Variants in ERC2 observed in about 807,000 individuals in gnomAD.
ERC2 encodes the protein ELKS/RAB6-interacting/CAST family member 2.
Under a neutral mutation model 114.8 loss-of-function variants are expected in ERC2, and 42 were observed. That is an observed-to-expected ratio of 0.37 (90% CI 0.29 to 0.47). ERC2 has a LOEUF of 0.47. ERC2 is among the 20% of genes least tolerant of loss of function. The pLI, the probability that ERC2 is intolerant of heterozygous loss-of-function variation, is 0.99. For missense variants in ERC2, 939 were observed against 1,150.7 expected (o/e 0.82, Z 2.66); for synonymous variants, 454 against 425.5 (o/e 1.07, Z -0.82).
At chr3:56,207,111 A>G (rs1184906445) in intron 3 of ERC2, among the ~76,000 whole-genome samples, 1 of 152,134 alleles carries the variant, frequency 6.6e-6, no homozygotes, top group African/African-American at 2.4e-5. Flanking sequence ...GTTATTTTAG[A>G]GACTCTAATA....
At chr3:55,539,186 A>G (rs1383268750) in intron 17 of ERC2, among the ~76,000 whole-genome samples, 2 of 152,148 alleles carry the variant, frequency 1.3e-5, no homozygotes, top group African/African-American at 4.8e-5. Context: ...ATGTTAGAGT[A>G]TATTAACGAA....
intron 2 of ERC2, among the ~76,000 whole-genome samples, chr3:56,411,611 A>G (rs1298478091): frequency 6.6e-6 from 1 of 152,150 alleles, no homozygotes; most frequent in African/African-American, 2.4e-5. Context: ...AATAGCAGCT[A>G]ACACTTACAT....
At chr3:55,578,111 T>C (rs1320327999) in intron 17 of ERC2, among the ~76,000 whole-genome samples, 1 of 152,204 alleles carries the variant, frequency 6.6e-6, no homozygotes, top group East Asian at 1.9e-4. Context: ...GCCATCCTCA[T>C]CTGAGTTCCC....
chr3:56,040,655 T>TGGGGGTTGGG (rs2075121934), intron 7 of ERC2, among the ~76,000 whole-genome samples: 1 of 142,452 alleles, frequency 7.0e-6, no homozygotes, highest in Non-Finnish European at 1.5e-5. Flanking sequence ...GATGTATATG[T>TGGGGGTTGGG]ATATATACAT....
intron 2 of ERC2, among the ~76,000 whole-genome samples, chr3:56,409,907 G>C (rs1318505117): frequency 5.9e-5 from 9 of 152,220 alleles, no homozygotes; most frequent in Non-Finnish European, 1.2e-4. Context: ...TCACTAGAAA[G>C]TGCTGAGGCA....
chr3:56,465,120 C>T (rs989312133), intron 1 of ERC2, among the ~76,000 whole-genome samples: 1 of 152,140 alleles, frequency 6.6e-6, no homozygotes, highest in African/African-American at 2.4e-5. Flanking sequence ...CAAGAGGGGC[C>T]GGTCATGGTG....
intron 12 of ERC2, among the ~76,000 whole-genome samples, chr3:55,981,520 T>C (rs2070137832): frequency 6.6e-6 from 1 of 152,198 alleles, no homozygotes; most frequent in South Asian, 2.1e-4. Flanking sequence ...ATGTCAGTTT[T>C]ACTGCTATAT....
At chr3:56,063,524 C>T (rs189644603) in intron 7 of ERC2, among the ~76,000 whole-genome samples, 244 of 152,230 alleles carry the variant, frequency 1.6e-3, no homozygotes, top group African/African-American at 5.5e-3. Flanking sequence ...TCAACAAATA[C>T]CTCTTGAACA....
intron 2 of ERC2, among the ~76,000 whole-genome samples, chr3:56,308,374 C>T (rs953288687): frequency 1.3e-5 from 2 of 152,150 alleles, no homozygotes. Context: ...AAACTAAGCC[C>T]TACTTGAGTT....
At chr3:56,237,305 C>A (rs1263599030) in intron 3 of ERC2, among the ~76,000 whole-genome samples, 1 of 152,198 alleles carries the variant, frequency 6.6e-6, no homozygotes, top group African/African-American at 2.4e-5. Context: ...AAACTAAAAT[C>A]TTCCATACTC....
intron 2 of ERC2, among the ~76,000 whole-genome samples, chr3:56,371,460 G>A (rs1035946613): frequency 6.6e-6 from 1 of 152,128 alleles, no homozygotes; most frequent in Non-Finnish European, 1.5e-5. Flanking sequence ...TGTCAAACAC[G>A]ACAAGTAATG....
chr3:55,801,386 A>G (rs1341618145), intron 14 of ERC2, among the ~76,000 whole-genome samples: 4 of 152,316 alleles, frequency 2.6e-5, no homozygotes, highest in African/African-American at 9.6e-5. Context: ...CCAGGGAGAA[A>G]GAGGTCCAAG....
intron 2 of ERC2, among the ~76,000 whole-genome samples, chr3:56,408,734 G>T (rs986976042): frequency 6.6e-6 from 1 of 152,220 alleles, no homozygotes; most frequent in Non-Finnish European, 1.5e-5. Context: ...GGTAAGGTAA[G>T]GGCTGGCAGG....
At chr3:56,401,369 T>C (rs1055492535) in intron 2 of ERC2, among the ~76,000 whole-genome samples, 1 of 152,196 alleles carries the variant, frequency 6.6e-6, no homozygotes, top group African/African-American at 2.4e-5. Context: ...CCAATATTAA[T>C]CCATCTCCCC....
intron 7 of ERC2, among the ~76,000 whole-genome samples, chr3:56,076,715 C>T (rs893134347): frequency 6.6e-6 from 1 of 152,164 alleles, no homozygotes; most frequent in Non-Finnish European, 1.5e-5. Flanking sequence ...CCCACAAAAG[C>T]TTCATCAGAG....
At chr3:56,008,767 T>C (rs2072695270) in intron 9 of ERC2, among the ~76,000 whole-genome samples, 1 of 152,146 alleles carries the variant, frequency 6.6e-6, no homozygotes. Context: ...CCTGATCCCA[T>C]CAAGTGAAAG....
chr3:55,838,946 T>A (rs549664651), intron 14 of ERC2, among the ~76,000 whole-genome samples: 22 of 151,860 alleles, frequency 1.4e-4, no homozygotes, highest in Admixed American at 3.9e-4. Context: ...GAAGGTACCA[T>A]AAAATGGCAG....
intron 17 of ERC2, chr3:55,647,330 C>A (rs17055647): frequency 0.15 from 22,996 of 152,136 alleles, 2,857 homozygotes; most frequent in African/African-American, 0.34. Flanking sequence ...TCCGCCGCTG[C>A]ATGTAGTCTT....
At chr3:56,283,057 C>G (rs1463942632) in intron 3 of ERC2, among the ~76,000 whole-genome samples, 4 of 152,238 alleles carry the variant, frequency 2.6e-5, no homozygotes, top group African/African-American at 9.6e-5. Flanking sequence ...CAAATGTCCA[C>G]TAAATTTCAT....
Sources: allele counts gnomAD v4.1 joint callset (sites outside exome capture counted in the v4.1 genomes callset), GRCh38; gene constraint gnomAD v4.1.1; transcripts MANE v1.5; gene names NCBI Gene and HGNC (gene_info 2026-07-23, HGNC 2026-07-21).